GPHN: variants seen among roughly 807,000 people sequenced by gnomAD.
GPHN encodes gephyrin.
A neutral mutation model predicts 95.5 loss-of-function variants in GPHN; 17 were observed. The observed-to-expected ratio is 0.18, with a 90% CI of 0.12 to 0.27. The LOEUF (loss-of-function observed/expected upper bound fraction) is 0.27, where lower values mean the gene tolerates loss of function less well. GPHN is among the 10% of genes least tolerant of loss of function. The probability of loss-of-function intolerance (pLI) is 1.00; values close to 1 mark genes in which losing one functional copy is unlikely to be tolerated. For synonymous variants in GPHN, 320 were observed against 322.5 expected (o/e 0.99, Z 0.08); for missense variants, 660 against 978.1 (o/e 0.67, Z 4.34).
chr14:66,547,855 G>A (rs533344698), intron 1 of GPHN, among the ~76,000 whole-genome samples: 2 of 152,120 alleles, frequency 1.3e-5, no homozygotes, highest in South Asian at 4.1e-4. Flanking sequence ...TGATGGTTAT[G>A]ATACTTAAAA....
At chr14:66,799,853 A>G (rs2060282316) in intron 3 of GPHN, among the ~76,000 whole-genome samples, 1 of 151,526 alleles carries the variant, frequency 6.6e-6, no homozygotes, top group Non-Finnish European at 1.5e-5. Flanking sequence ...CCATTTTATT[A>G]TTTGTTCTCT....
the GPHN span, chr14:67,473,094 C>T: frequency 3.1e-6 from 1 of 321,816 alleles, no homozygotes; most frequent in South Asian, 4.0e-5. The surrounding 1 kb of genome is among the most constrained non-coding windows in gnomAD (Gnocchi z 6.5). Context: ...TGTCCCTTGG[C>T]CAGGACAGGG....
At chr14:66,588,141 G>A (rs527866692) in intron 1 of GPHN, among the ~76,000 whole-genome samples, 1 of 152,166 alleles carries the variant, frequency 6.6e-6, no homozygotes, top group Non-Finnish European at 1.5e-5. Context: ...ACCTTCAGCA[G>A]AGGGGCCTGA....
chr14:67,652,208 G>C, the GPHN span: 2 of 152,316 alleles, frequency 1.3e-5, no homozygotes, highest in East Asian at 1.9e-4. Context: ...GTTAGCACTC[G>C]AGGATTTTGT....
Position 67,160,774 on chromosome 14 carries a change from C to A in GPHN, c.1910+1286C>A, listed in dbSNP as rs574449343. On this transcript the variant is annotated intron_variant, in intron 19 of 22. Coordinates refer to ENST00000478722, the MANE Select transcript of GPHN (RefSeq NM_020806.5). The stretch of plus-strand genomic sequence containing the variant: ...GGGTACCATCAACAAATTTCAAAAG[C>A]CTTTAAAGTATCAAGCTAGCCCTCC... 7.2e-5 allele frequency among the ~76,000 whole-genome samples: 11 copies of A among 152,236 alleles called. No individual in the cohort carries two copies. The South Asian group carries it at 2.1e-3, about 29-fold the overall frequency.
At chr14:66,834,332 G>A (rs2061704561) in intron 4 of GPHN, among the ~76,000 whole-genome samples, 1 of 152,124 alleles carries the variant, frequency 6.6e-6, no homozygotes, top group Admixed American at 6.6e-5. Flanking sequence ...AATGGTGCCA[G>A]TATAAAAATT....
At chr14:66,917,295 C>A (rs2065962696) in intron 6 of GPHN, among the ~76,000 whole-genome samples, 1 of 152,158 alleles carries the variant, frequency 6.6e-6, no homozygotes, top group African/African-American at 2.4e-5. Flanking sequence ...ACCAGAATGT[C>A]TCCCAGAATG....
chr14:66,616,827 T>C (rs1305273637), intron 1 of GPHN, among the ~76,000 whole-genome samples: 2 of 152,018 alleles, frequency 1.3e-5, no homozygotes, highest in African/African-American at 4.8e-5. Flanking sequence ...TCTGCCGCAG[T>C]CTCCCAAGTA....
intron 10 of GPHN, among the ~76,000 whole-genome samples, chr14:67,026,068 T>G (rs1184687722): frequency 1.3e-5 from 2 of 152,208 alleles, no homozygotes; most frequent in Non-Finnish European, 2.9e-5. Context: ...ATTTTTCCTT[T>G]CTAGAGTCAA....
At chr14:66,968,195 C>T (rs117913761) in intron 9 of GPHN, among the ~76,000 whole-genome samples, 1,828 of 151,646 alleles carry the variant, frequency 0.012, 18 homozygotes, top group Non-Finnish European at 0.018. Context: ...AAAGCAATTT[C>T]GGGGTTTCAA....
chr14:66,694,178 T>C (rs1441560993), intron 2 of GPHN, among the ~76,000 whole-genome samples: 3 of 152,228 alleles, frequency 2.0e-5, no homozygotes, highest in African/African-American at 7.2e-5. Context: ...AGAGACCTCA[T>C]GAATTGGATT....
At chr14:67,225,059 A>G in the GPHN span, 5 of 1,379,674 alleles carry the variant, frequency 3.6e-6, no homozygotes, top group Non-Finnish European at 4.8e-6. Context: ...TTTCTTTCTC[A>G]CTTCCTCTCT....
At chr14:67,260,242 C>T in the GPHN span, among the ~76,000 whole-genome samples, 1 of 152,174 alleles carries the variant, frequency 6.6e-6, no homozygotes, top group Non-Finnish European at 1.5e-5. Context: ...GGCCATACCA[C>T]CCTGACTGTG....
chr14:66,848,096 C>G (rs1393161559), intron 4 of GPHN, among the ~76,000 whole-genome samples: 2 of 152,036 alleles, frequency 1.3e-5, no homozygotes, highest in African/African-American at 2.4e-5. Context: ...CAAACCACCA[C>G]CAGACTTTTT....
At chr14:67,328,129 T>A in the GPHN span, among the ~76,000 whole-genome samples, 2 of 152,216 alleles carry the variant, frequency 1.3e-5, no homozygotes, top group Non-Finnish European at 2.9e-5. Context: ...TTTCTCCACA[T>A]CCTCTCCAGC....
At chr14:66,707,337 C>G (rs1482343361) in intron 2 of GPHN, among the ~76,000 whole-genome samples, 1 of 152,158 alleles carries the variant, frequency 6.6e-6, no homozygotes, top group African/African-American at 2.4e-5. Context: ...GAATATAAAT[C>G]ATTCTACTAT....
At chr14:67,626,626 A>C in the GPHN span, among the ~76,000 whole-genome samples, 1 of 152,158 alleles carries the variant, frequency 6.6e-6, no homozygotes, top group African/African-American at 2.4e-5. Context: ...AAGCACCACC[A>C]TGCCCAGCTA....
At chr14:66,665,186 A>G (rs963664609) in intron 1 of GPHN, among the ~76,000 whole-genome samples, 1 of 152,162 alleles carries the variant, frequency 6.6e-6, no homozygotes, top group African/African-American at 2.4e-5. Flanking sequence ...AAAACAAAAG[A>G]AAACTTCAGG....
At chr14:67,497,363 G>A in the GPHN span, among the ~76,000 whole-genome samples, 1 of 152,150 alleles carries the variant, frequency 6.6e-6, no homozygotes, top group South Asian at 2.1e-4. Flanking sequence ...CCGAGACACT[G>A]TAGCGCAGGC....
Sources: gnomAD v4.1 joint callset for allele counts (sites outside exome capture counted in the v4.1 genomes callset) on GRCh38, gnomAD v4.1.1 for gene constraint, Gnocchi (gnomAD v3.1) non-coding constraint, MANE v1.5 for transcripts, NCBI Gene and HGNC (gene_info 2026-07-23, HGNC 2026-07-21) for gene names.